The following APPL2 variants were observed in gnomAD, a reference collection of about 807,000 sequenced individuals.
APPL2 encodes the protein adaptor protein, phosphotyrosine interacting with PH domain and leucine zipper 2, also known as DCC-interacting protein 13-beta.
APPL2 carries 84 observed loss-of-function variants against 92.7 expected under a neutral mutation model. The ratio of observed to expected loss-of-function variants is 0.91; its 90% CI spans 0.76 to 1.09. The LOEUF (loss-of-function observed/expected upper bound fraction) is 1.09, where lower values mean the gene tolerates loss of function less well. Ranked by LOEUF, APPL2 falls within the 50% of genes least tolerant of loss-of-function variation. The probability of loss-of-function intolerance (pLI) is 0.00; values close to 1 mark genes in which losing one functional copy is unlikely to be tolerated. For missense variants in APPL2, 736 were observed against 824.5 expected (o/e 0.89, Z 1.31); for synonymous variants, 291 against 291.0 (o/e 1.00, Z 0.00).
intron 5 of APPL2, among the ~76,000 whole-genome samples, chr12:105,209,871 C>T (rs1347158656): frequency 6.6e-6 from 1 of 152,134 alleles, no homozygotes; most frequent in African/African-American, 2.4e-5. Context: ...GCCAAACTGA[C>T]CTTAGGTAGA....
intron 8 of APPL2, 181 bp downstream of exon 8, chr12:105,206,880 T>C (rs1223021163): frequency 4.3e-6 from 3 of 698,230 alleles, no homozygotes; most frequent in Non-Finnish European, 6.8e-6. Flanking sequence ...CCAATGCATG[T>C]CCAGCTGAAG....
chr12:105,226,350 C>T (rs1286001119), intron 2 of APPL2, among the ~76,000 whole-genome samples: 1 of 152,224 alleles, frequency 6.6e-6, no homozygotes, highest in Non-Finnish European at 1.5e-5. Flanking sequence ...GACATTCTCA[C>T]CAGCCTGTGC....
At chr12:105,206,794 A>G in intron 8 of APPL2, 4 of 314,652 alleles carry the variant, frequency 1.3e-5, no homozygotes, top group South Asian at 7.9e-5. Context: ...TTAGAAAAAA[A>G]GGGCCACACA....
intron 11 of APPL2, among the ~76,000 whole-genome samples, chr12:105,197,185 G>A (rs1887725532): frequency 6.6e-6 from 1 of 152,082 alleles, no homozygotes; most frequent in African/African-American, 2.4e-5. Context: ...ACTCTGAGAG[G>A]GGATCCCACT....
At chr12:105,181,117 A>G (rs1262869028) in intron 17 of APPL2, among the ~76,000 whole-genome samples, 1 of 152,142 alleles carries the variant, frequency 6.6e-6, no homozygotes, top group East Asian at 1.9e-4. Context: ...ATAGCTCATT[A>G]TTTTGAGATA....
chr12:105,189,842 G>A lies in APPL2; in HGVS notation c.1407-18C>T, dbSNP rs984857903. On this transcript the variant is annotated intron_variant, in intron 15 of 20. Transcript: ENST00000258530. ...TGGTACGCCTAGGGGAATAGCCAGA[G>A]TTGAACAAACACGACAGCTGCAGCT... The A allele has an allele frequency of 6.2e-7, 1 of 1,613,996 alleles. No homozygotes were observed. The highest frequency in any genetic ancestry group is 8.5e-7 in the Non-Finnish European group (1 of 1,179,970).
At chr12:105,174,498 T>TGGAGGG (rs1377561596) in intron 20 of APPL2, 50 bp from the exon 21 acceptor site, 2 of 1,576,008 alleles carry the variant, frequency 1.3e-6, no homozygotes, top group Non-Finnish European at 1.7e-6. Flanking sequence ...TTAAGATGCA[T>TGGAGGG]TTAAACCCCT....
rs771411345 is a variant in APPL2, at chr12:105,188,354, C to G, written c.1553G>C (p.Arg518Thr). ...AATAGCCCGAGCAGCCAATACTTGT[C>G]TCATCGCTTCATAAATCACTTCAGT... is the stretch of plus-strand genomic sequence containing the variant. Reference protein sequence around the residue: ...STTEVIYEAMRQVLAARAIHN... With the variant: ...STTEVIYEAMTQVLAARAIHN... The change falls in exon 17 of 21, where the codon AGA (arginine) becomes ACA (threonine). Residue 518 changes from arginine (R) to threonine (T), a missense_variant. Arg to Thr is a moderately conservative substitution (Grantham distance 71, BLOSUM62 -1). Transcript: ENST00000258530. 6.8e-6 allele frequency: 11 copies of G among 1,614,076 alleles called. No individual in the cohort carries two copies. Among genetic ancestry groups the G allele is most frequent in the Non-Finnish European group, 9.3e-6 (11 of 1,180,028 alleles).
intron 10 of APPL2, among the ~76,000 whole-genome samples, chr12:105,198,743 C>T (rs1887881770): frequency 6.6e-6 from 1 of 152,232 alleles, no homozygotes; most frequent in Non-Finnish European, 1.5e-5. Flanking sequence ...TTCAATCTAA[C>T]TTCGTAAAGC....
At chr12:105,221,659 G>A (rs1231606394) in intron 2 of APPL2, among the ~76,000 whole-genome samples, 1 of 152,196 alleles carries the variant, frequency 6.6e-6, no homozygotes. Flanking sequence ...GGAGTTCCAT[G>A]AGCAGCATTG....
Position 105,217,737 on chromosome 12 carries a change from A to G in APPL2, c.154-12T>C, listed in dbSNP as rs113325049. ...AGGCACATCTCATTCTGTGGAGAGA[A>G]GAGAAAAAGCAAGTAAGATTAGTCC... On this transcript the variant is annotated splice_polypyrimidine_tract_variant and intron_variant, in intron 2 of 20. Transcript: ENST00000258530. 4.6e-4 allele frequency: 738 copies of G among 1,613,254 alleles called. 2 individuals are homozygous for G. The African/African-American group carries it at 8.0e-3, about 18-fold the overall frequency.
At chr12:105,205,755 T>G (rs58431410) in intron 8 of APPL2, among the ~76,000 whole-genome samples, 8,125 of 152,190 alleles carry the variant, frequency 0.053, 724 homozygotes, top group African/African-American at 0.19. Context: ...GCCCCGGCAT[T>G]CTCTAATATG....
intron 14 of APPL2, among the ~76,000 whole-genome samples, chr12:105,195,050 G>A (rs1246779119): frequency 6.6e-6 from 1 of 152,226 alleles, no homozygotes; most frequent in African/African-American, 2.4e-5. Context: ...CAGGGATGCT[G>A]ACATCAGACA....
intron 11 of APPL2, among the ~76,000 whole-genome samples, chr12:105,196,568 T>C (rs574999069): frequency 6.6e-6 from 1 of 151,276 alleles, no homozygotes; most frequent in Non-Finnish European, 1.5e-5. Context: ...CCTGAGTAGC[T>C]GGGATTACAG....
chr12:105,218,482 A>G (rs919761433), intron 2 of APPL2, among the ~76,000 whole-genome samples: 1 of 152,242 alleles, frequency 6.6e-6, no homozygotes, highest in Non-Finnish European at 1.5e-5. Context: ...GCTCTGACAG[A>G]CAGTCTCCAG....
At position 105,208,205 on chromosome 12, in the gene APPL2, A is replaced by G. The variant is rs372400757; in HGVS notation, c.374-6T>C. The G allele has an allele frequency of 1.9e-6, 3 of 1,614,122 alleles. No homozygotes were observed. The African/African-American group carries it at 4.0e-5, about 22-fold the overall frequency. The stretch of plus-strand genomic sequence containing the variant: ...ATCCTTTAAAGTGCTTACTTCTGAA[A>G]AGGAGAAAAGGGACCGTCTTAGAGC... On this transcript the variant is annotated splice_polypyrimidine_tract_variant and splice_region_variant and intron_variant, in intron 5 of 20. Transcript: ENST00000258530.
chr12:105,181,242 G>C (rs947992369), intron 17 of APPL2, among the ~76,000 whole-genome samples: 1 of 152,176 alleles, frequency 6.6e-6, no homozygotes, highest in Non-Finnish European at 1.5e-5. Context: ...CATTGGTTCT[G>C]TTTACGTGAT....
chr12:105,209,243 AG>A (rs1889014894), intron 5 of APPL2, among the ~76,000 whole-genome samples: 1 of 152,196 alleles, frequency 6.6e-6, no homozygotes, highest in Non-Finnish European at 1.5e-5. Context: ...GTCTAGGCAG[AG>A]GGGAGATCAG....
chr12:105,217,145 G>A lies in APPL2; in HGVS notation c.214-5C>T. On this transcript the variant is annotated splice_polypyrimidine_tract_variant and splice_region_variant and intron_variant, in intron 3 of 20. Transcript: ENST00000258530. ...ACCTTTGCCAAGAGCAAAGTTCTAA[G>A]ACCAAAGAATAAAAGAAGCAGGTGT... 6.3e-7 allele frequency: 1 copy of A among 1,597,924 alleles called. No homozygotes were observed. Among genetic ancestry groups the A allele is most frequent in the Non-Finnish European group, 8.5e-7 (1 of 1,171,570 alleles).
Sources: allele counts gnomAD v4.1 joint callset (sites outside exome capture counted in the v4.1 genomes callset), GRCh38; gene constraint gnomAD v4.1.1; transcripts MANE v1.5; gene names NCBI Gene and HGNC (gene_info 2026-07-23, HGNC 2026-07-21).